TICAM1: variants seen among roughly 807,000 people sequenced by gnomAD.
TICAM1 encodes the protein TIR domain containing adaptor molecule 1, also known as TIR domain-containing adapter molecule 1.
For missense variants in TICAM1, 895 were observed against 938.2 expected, an observed-to-expected ratio of 0.95 and a Z score of 0.60; for synonymous variants, 439 against 415.4, an observed-to-expected ratio of 1.06 and a Z score of -0.69.
chr19:4,823,285 C>G (rs62116081), intron 1 of TICAM1, among the ~76,000 whole-genome samples: 1 of 151,828 alleles, frequency 6.6e-6, no homozygotes, highest in Non-Finnish European at 1.5e-5. Context: ...GCTAACATGG[C>G]GAAACTCCAT....
At position 4,817,236 on chromosome 19, in the gene TICAM1, A is replaced by T. The variant is rs761536693; in HGVS notation, c.1142T>A (p.Leu381Gln). Residue 381 changes from leucine to glutamine, a missense_variant, in exon 2 of 2, where the codon CTG becomes CAG. Coordinates refer to ENST00000248244, the MANE Select transcript of TICAM1 (RefSeq NM_182919.4). This position sits in a 1 kb window ranked among gnomAD's most constrained non-coding sequence, Gnocchi z 4.7. ...TGATGATTCCAGGGAGGAAGGGAAC[A>T]GGGAGGAGGGGGTCAGGTGAGCTGA... ...PCSAHLTPSS[L>Q]FPSSLESSSE... 1.2e-6 allele frequency: 2 copies of T among 1,607,818 alleles called. No individual in the cohort carries two copies. The highest frequency in any genetic ancestry group is 2.2e-5 in the South Asian group (2 of 90,868).
At chr19:4,825,018 G>A (rs919396382) in intron 1 of TICAM1, among the ~76,000 whole-genome samples, 11 of 151,826 alleles carry the variant, frequency 7.2e-5, no homozygotes, top group East Asian at 2.0e-4. Context: ...GGTGGCTCAC[G>A]CCTGTAATCC....
rs760290741 is a variant in TICAM1, at chr19:4,816,576, G to A, written c.1802C>T (p.Ala601Val). 5 of 1,613,142 alleles carry A rather than the reference G, an allele frequency of 3.1e-6. No homozygotes were observed. Among genetic ancestry groups the A allele is most frequent in the Non-Finnish European group, 4.2e-6 (5 of 1,179,970 alleles). The change falls in exon 2 of 2, where the codon GCG (alanine) becomes GTG (valine). Residue 601 changes from alanine to valine, a missense_variant. Physicochemically the swap from Ala to Val is moderately conservative, Grantham distance 64. Coordinates refer to ENST00000248244, the MANE Select transcript of TICAM1 (RefSeq NM_182919.4). This position sits in a 1 kb window ranked among gnomAD's most constrained non-coding sequence, Gnocchi z 4.3. Reference sequence around the variant, plus strand: ...AAAGGGCATTCGAGCCCCATAGGGCGCCCCAGTCCCAAATGACATGTGGCT... The same window carrying A: ...AAAGGGCATTCGAGCCCCATAGGGCACCCCAGTCCCAAATGACATGTGGCT... ...FGSHMSFGTG[A>V]PYGARMPFGG... is the part of the protein sequence containing the mutation.
At position 4,817,583 on chromosome 19, in the gene TICAM1, T is replaced by TG; in HGVS notation, c.794dup (p.Glu266ArgfsTer24). On this transcript the variant is annotated frameshift_variant, in exon 2 of 2. Transcript: ENST00000248244. LOFTEE classifies it low-confidence loss of function (END_TRUNC). The surrounding 1 kb of genome is among the most constrained non-coding windows in gnomAD (Gnocchi z 4.7). ...CAGGAGGTGGGCTGCTTGGCAGCTC[T>TG]GGTGGGCTGGCAATCTCCCCCGATG... The TG allele has an allele frequency of 3.1e-6, 5 of 1,609,606 alleles. No homozygotes were observed. The highest frequency in any genetic ancestry group is 4.2e-6 in the Non-Finnish European group (5 of 1,178,204).
intron 1 of TICAM1, among the ~76,000 whole-genome samples, chr19:4,819,871 G>A (rs964709981): frequency 1.4e-5 from 2 of 140,176 alleles, no homozygotes; most frequent in Admixed American, 1.5e-4. Context: ...GCGAAACCCC[G>A]TCTCAATAAA....
chr19:4,817,158 T>A lies in TICAM1; in HGVS notation c.1220A>T (p.His407Leu), dbSNP rs1162658317. The change falls in exon 2 of 2, where the codon CAC becomes CTC. Residue 407 changes from histidine (H) to leucine (L), a missense_variant. Transcript: ENST00000248244. This position sits in a 1 kb window ranked among gnomAD's most constrained non-coding sequence, Gnocchi z 4.7. ...FVILHARADEHIALRVREKLE... is the reference protein window; with the variant it reads ...FVILHARADELIALRVREKLE... ...CTTCTCCCGAACCCGCAGGGCGATGTGTTCGTCTGCCCTGGCGTGGAGGAT... is the reference window on the plus strand; with the variant it reads ...CTTCTCCCGAACCCGCAGGGCGATGAGTTCGTCTGCCCTGGCGTGGAGGAT... 6.2e-7 allele frequency: 1 copy of A among 1,614,194 alleles called. No homozygotes were observed. Among genetic ancestry groups the A allele is most frequent in the Non-Finnish European group, 8.5e-7 (1 of 1,180,028 alleles).
chr19:4,819,972 G>A (rs529312899), intron 1 of TICAM1, among the ~76,000 whole-genome samples: 4 of 152,230 alleles, frequency 2.6e-5, no homozygotes, highest in East Asian at 3.9e-4. Flanking sequence ...CTGTCCCAGC[G>A]TTGGACTATG....
rs201782115 is a variant in TICAM1 at position 4,818,199 on chromosome 19, G to C, written c.179C>G (p.Ser60Cys). The C allele has an allele frequency of 8.9e-5, 143 of 1,612,670 alleles. 1 individual carries two copies. The East Asian group carries it at 2.8e-3, about 32-fold the overall frequency. ...KLGQETEARI[S>C]LEALKADAVA... ...CGCATCGGCCTTCAATGCCTCTAGA[G>C]AGATCCTGGCCTCAGTTTCCTGGCC... is the stretch of plus-strand genomic sequence containing the variant. The change falls in exon 2 of 2, where the codon TCT becomes TGT. Residue 60 changes from serine (S) to cysteine (C), a missense_variant. Coordinates refer to ENST00000248244, the MANE Select transcript of TICAM1 (RefSeq NM_182919.4). The surrounding 1 kb of genome is among the most constrained non-coding windows in gnomAD (Gnocchi z 4.0).
chr19:4,829,112 G>C (rs1358072945), intron 1 of TICAM1, among the ~76,000 whole-genome samples: 2 of 152,182 alleles, frequency 1.3e-5, no homozygotes, highest in African/African-American at 4.8e-5. Context: ...TGGGATTACA[G>C]GCATGAGCCA....
At chr19:4,819,273 CAAAA>C (rs35532977) in intron 1 of TICAM1, among the ~76,000 whole-genome samples, 6 of 134,974 alleles carry the variant, frequency 4.4e-5, no homozygotes, top group Admixed American at 7.5e-5. Flanking sequence ...GACCCAGTCT[CAAAA>C]AAAAAAAAAA....
chr19:4,818,000 G>A lies in TICAM1; in HGVS notation c.378C>T (p.Ser126=). 6.2e-7 allele frequency: 1 copy of A among 1,612,400 alleles called. No homozygotes were observed. Among genetic ancestry groups the A allele is most frequent in the Non-Finnish European group, 8.5e-7 (1 of 1,179,866 alleles). ...CCCCCAGCCGGTGGTCGTCCCTGGA[G>A]CTGAGGGTGCGGACGGCTTCCTGGT... ...VAYQEAVRTL[S]SRDDHRLGEL... The change falls in exon 2 of 2, where the codon AGC becomes AGT. Residue 126 remains serine, a synonymous_variant. Transcript: ENST00000248244. The surrounding 1 kb of genome is among the most constrained non-coding windows in gnomAD (Gnocchi z 4.7).
chr19:4,818,204 C>A lies in TICAM1; in HGVS notation c.174G>T (p.Arg58Ser). Residue 58 changes from arginine to serine, a missense_variant, in exon 2 of 2, where the codon AGG becomes AGT. By Grantham distance (110) the Arg-to-Ser change is moderately radical. Coordinates refer to ENST00000248244, the MANE Select transcript of TICAM1 (RefSeq NM_182919.4). The surrounding 1 kb of genome is among the most constrained non-coding windows in gnomAD (Gnocchi z 4.0). ...LLKLGQETEA[R>S]ISLEALKADA... ...CGGCCTTCAATGCCTCTAGAGAGATCCTGGCCTCAGTTTCCTGGCCCAGCT... is the reference window on the plus strand; with the variant it reads ...CGGCCTTCAATGCCTCTAGAGAGATACTGGCCTCAGTTTCCTGGCCCAGCT... 1 of 1,612,852 alleles carries A rather than the reference C, an allele frequency of 6.2e-7. No individual in the cohort carries two copies.
rs778249228 is a variant in TICAM1 at position 4,817,296 on chromosome 19, G to T, written c.1082C>A (p.Pro361His). Residue 361 changes from proline to histidine, a missense_variant, in exon 2 of 2, where the codon CCT becomes CAT. Transcript: ENST00000248244. This position sits in a 1 kb window ranked among gnomAD's most constrained non-coding sequence, Gnocchi z 4.7. ...AGATGAAGGAGGAGGAGGAGGAGGAGGAGGGGATGTTTCTGGGGTGGTGGG... is the reference window on the plus strand; with the variant it reads ...AGATGAAGGAGGAGGAGGAGGAGGATGAGGGGATGTTTCTGGGGTGGTGGG... Reference protein sequence around the residue: ...PTPTTPETSPPPPPPPPSSTP... With the variant: ...PTPTTPETSPHPPPPPPSSTP... The T allele has an allele frequency of 6.2e-7, 1 of 1,613,658 alleles. No individual in the cohort carries two copies. Among genetic ancestry groups the T allele is most frequent in the South Asian group, 1.1e-5 (1 of 91,058 alleles).
At chr19:4,829,721 T>G (rs1163030417) in intron 1 of TICAM1, among the ~76,000 whole-genome samples, 1 of 151,938 alleles carries the variant, frequency 6.6e-6, no homozygotes, top group Non-Finnish European at 1.5e-5. Flanking sequence ...CTTGATATAA[T>G]AATATTAGTG....
rs1303978682 is a variant in TICAM1, at chr19:4,817,782, C to T, written c.596G>A (p.Ser199Asn). The T allele has an allele frequency of 6.2e-7, 1 of 1,601,816 alleles. No individual in the cohort carries two copies. Among genetic ancestry groups the T allele is most frequent in the South Asian group, 1.1e-5 (1 of 90,190 alleles). ...CAAGTTGCTGGCCAGGGAGGCAGGGCTGCCAGTGGATCGCAGGGAGCACCC... is the reference window on the plus strand; with the variant it reads ...CAAGTTGCTGGCCAGGGAGGCAGGGTTGCCAGTGGATCGCAGGGAGCACCC... Reference protein sequence around the residue: ...SQGCSLRSTGSPASLASNLEI... With the variant: ...SQGCSLRSTGNPASLASNLEI... Residue 199 changes from serine (S) to asparagine (N), a missense_variant, in exon 2 of 2, where the codon AGC becomes AAC. By Grantham distance (46) the Ser-to-Asn change is conservative. Coordinates refer to ENST00000248244, the MANE Select transcript of TICAM1 (RefSeq NM_182919.4). The surrounding 1 kb of genome is among the most constrained non-coding windows in gnomAD (Gnocchi z 4.7).
chr19:4,818,926 A>G lies in TICAM1; in HGVS notation c.-139-410T>C, dbSNP rs939294320. On this transcript the variant is annotated intron_variant, in intron 1 of 1. Transcript: ENST00000248244. The surrounding 1 kb of genome is among the most constrained non-coding windows in gnomAD (Gnocchi z 4.0). Reference sequence around the variant, plus strand: ...GGAGTTCGAGACCAGCCTGGCCAACATGGTGAAACCCCGTTTCTACTAAAA... The same window carrying G: ...GGAGTTCGAGACCAGCCTGGCCAACGTGGTGAAACCCCGTTTCTACTAAAA... Among the ~76,000 whole-genome samples, 6 of 152,182 alleles carry G rather than the reference A, an allele frequency of 3.9e-5. No individual in the cohort carries two copies. Among genetic ancestry groups the G allele is most frequent in the Non-Finnish European group, 5.9e-5 (4 of 68,044 alleles).
chr19:4,825,471 T>G (rs1017749351), intron 1 of TICAM1, among the ~76,000 whole-genome samples: 1 of 151,926 alleles, frequency 6.6e-6, no homozygotes, highest in African/African-American at 2.4e-5. Context: ...TCCTCCCACC[T>G]TGGCCTCCCA....
Position 4,816,738 on chromosome 19 carries a change from C to G in TICAM1, c.1640G>C (p.Arg547Pro), listed in dbSNP as rs567288271. The G allele has an allele frequency of 1.9e-6, 3 of 1,613,644 alleles. No individual in the cohort carries two copies. The South Asian group carries it at 3.3e-5, about 18-fold the overall frequency. Residue 547 changes from arginine to proline, a missense_variant, in exon 2 of 2, where the codon CGA becomes CCA. Arg to Pro is a moderately radical substitution (Grantham distance 103). Transcript: ENST00000248244. The surrounding 1 kb of genome is among the most constrained non-coding windows in gnomAD (Gnocchi z 4.3). ...KAMWRKEQDT[R>P]ALREQSQHLD... ...GTGTTGGCTCTGTTCCCGCAGGGCTCGGGTGTCCTGTTCCTTCCTCCACAT... is the reference window on the plus strand; with the variant it reads ...GTGTTGGCTCTGTTCCCGCAGGGCTGGGGTGTCCTGTTCCTTCCTCCACAT...
intron 1 of TICAM1, among the ~76,000 whole-genome samples, chr19:4,820,239 T>C (rs900417592): frequency 1.3e-5 from 2 of 150,632 alleles, no homozygotes; most frequent in Non-Finnish European, 3.0e-5. Context: ...GCCAATATGG[T>C]GAAACCCCGT....
Sources: allele counts gnomAD v4.1 joint callset (sites outside exome capture counted in the v4.1 genomes callset), GRCh38; gene constraint gnomAD v4.1.1; non-coding constraint Gnocchi (gnomAD v3.1); transcripts MANE v1.5; gene names NCBI Gene and HGNC (gene_info 2026-07-23, HGNC 2026-07-21).